CDH13: variants seen among roughly 807,000 people sequenced by gnomAD.
The protein encoded by CDH13 is cadherin 13.
In CDH13, 24 loss-of-function variants were observed where a neutral mutation model predicts 63.8. The ratio of observed to expected loss-of-function variants is 0.38; its 90% CI spans 0.27 to 0.53. The LOEUF is 0.53. Ranked by LOEUF, CDH13 falls within the 20% of genes least tolerant of loss-of-function variation. The pLI is 0.85. For synonymous variants in CDH13, 503 were observed against 355.3 expected (o/e 1.42, Z -4.67); for missense variants, 1,049 against 903.1 (o/e 1.16, Z -2.07).
At chr16:83,385,938 C>A (rs889714) in intron 6 of CDH13, among the ~76,000 whole-genome samples, 2 of 152,136 alleles carry the variant, frequency 1.3e-5, no homozygotes, top group Non-Finnish European at 2.9e-5. Context: ...TGTAGTTTAT[C>A]ATAGTGCTGT....
chr16:82,756,069 C>T (rs967297656), intron 1 of CDH13, among the ~76,000 whole-genome samples: 14 of 152,104 alleles, frequency 9.2e-5, no homozygotes, highest in African/African-American at 3.4e-4. Context: ...TTTATGCATC[C>T]ACAAGATCAG....
At chr16:83,088,698 A>AT (rs1188718297) in intron 3 of CDH13, among the ~76,000 whole-genome samples, 1 of 152,216 alleles carries the variant, frequency 6.6e-6, no homozygotes, top group Non-Finnish European at 1.5e-5. Flanking sequence ...ATGGCTCAAC[A>AT]TGTTTAAAGC....
At chr16:83,084,055 G>A (rs564698923) in intron 3 of CDH13, among the ~76,000 whole-genome samples, 2 of 152,248 alleles carry the variant, frequency 1.3e-5, no homozygotes, top group Non-Finnish European at 2.9e-5. Context: ...ACATGAACTG[G>A]CAGAAGAGGC....
intron 6 of CDH13, among the ~76,000 whole-genome samples, chr16:83,411,580 C>T (rs1354485990): frequency 6.6e-6 from 1 of 152,196 alleles, no homozygotes; most frequent in Non-Finnish European, 1.5e-5. Flanking sequence ...CACTACCATT[C>T]ATTTGGCACA....
intron 2 of CDH13, among the ~76,000 whole-genome samples, chr16:82,911,784 C>G (rs908891196): frequency 1.3e-5 from 2 of 152,106 alleles, no homozygotes; most frequent in African/African-American, 4.8e-5. Flanking sequence ...CACCTATGCC[C>G]CAGGCTCCTG....
chr16:83,277,503 T>C lies in CDH13; in HGVS notation c.636+60006T>C, dbSNP rs568844109. On this transcript the variant is annotated intron_variant, in intron 5 of 13. Coordinates refer to ENST00000567109, the MANE Select transcript of CDH13 (RefSeq NM_001257.5). The stretch of plus-strand genomic sequence containing the variant: ...TTAAAAGGGCAAAGATTTCTTAAAG[T>C]GTGATCAGTGAGAATCCCTGAGACT... Among the ~76,000 whole-genome samples the C allele has an allele frequency of 3.9e-5, 6 of 152,282 alleles. No individual in the cohort carries two copies. The East Asian group carries it at 1.2e-3, about 29-fold the overall frequency.
intron 8 of CDH13, among the ~76,000 whole-genome samples, chr16:83,605,827 A>G (rs1598359556): frequency 1.3e-5 from 2 of 152,252 alleles, no homozygotes; most frequent in Admixed American, 1.3e-4. Flanking sequence ...TTAAAGTGAC[A>G]TATGAATCTG....
chr16:83,612,125 A>C, intron 8 of CDH13, among the ~76,000 whole-genome samples: 1 of 152,230 alleles, frequency 6.6e-6, no homozygotes, highest in East Asian at 1.9e-4. Flanking sequence ...ATCTATAATT[A>C]CAGATCTATC....
intron 8 of CDH13, chr16:83,655,055 G>A (rs1407173205): frequency 6.6e-6 from 1 of 152,268 alleles, no homozygotes; most frequent in African/African-American, 2.4e-5. Context: ...AAGGACGGAG[G>A]CATACAAGGC....
intron 10 of CDH13, among the ~76,000 whole-genome samples, chr16:83,694,318 T>A (rs1905172467): frequency 6.6e-6 from 1 of 152,198 alleles, no homozygotes; most frequent in Non-Finnish European, 1.5e-5. Context: ...ATGTCCCATA[T>A]CTACTCCTGC....
intron 4 of CDH13, among the ~76,000 whole-genome samples, chr16:83,192,407 A>T (rs933740700): frequency 2.0e-5 from 3 of 152,108 alleles, no homozygotes; most frequent in Non-Finnish European, 4.4e-5. Context: ...TGGCCTTTGG[A>T]AGACTTGCTC....
chr16:83,651,923 C>G (rs989121196), intron 8 of CDH13, among the ~76,000 whole-genome samples: 1 of 152,182 alleles, frequency 6.6e-6, no homozygotes, highest in Non-Finnish European at 1.5e-5. Context: ...TGACAGAGTG[C>G]CACTGGAGTG....
chr16:83,537,550 C>A (rs759900770), intron 7 of CDH13, among the ~76,000 whole-genome samples: 12 of 152,162 alleles, frequency 7.9e-5, no homozygotes, highest in Non-Finnish European at 1.8e-4. Flanking sequence ...TTTGCTCACA[C>A]TCTGGCAGAT....
chr16:83,659,529 G>A (rs1324766331), intron 8 of CDH13, among the ~76,000 whole-genome samples: 1 of 152,250 alleles, frequency 6.6e-6, no homozygotes, highest in African/African-American at 2.4e-5. Flanking sequence ...CTCAGCCCTT[G>A]GCTGTTCATT....
intron 2 of CDH13, among the ~76,000 whole-genome samples, chr16:82,914,394 G>T (rs778334679): frequency 6.6e-6 from 1 of 152,104 alleles, no homozygotes; most frequent in African/African-American, 2.4e-5. Flanking sequence ...ATGAGCCTAC[G>T]TTCAGCAATT....
chr16:82,987,111 G>A (rs774319967), intron 2 of CDH13, among the ~76,000 whole-genome samples: 12 of 152,100 alleles, frequency 7.9e-5, no homozygotes, highest in East Asian at 1.9e-4. Flanking sequence ...AGTGAGGAGC[G>A]GCTGTAGCAC....
rs142059761 is a variant in CDH13 at position 83,682,901 on chromosome 16, C to T, written c.1538+4440C>T. Among the ~76,000 whole-genome samples, 37 of 152,312 alleles carry T rather than the reference C, an allele frequency of 2.4e-4. No individual in the cohort carries two copies. The East Asian group carries it at 7.1e-3, about 29-fold the overall frequency. ...CACCTCCTCCCTGAGGGGGCTCCTT[C>T]CATGGTCAACATGGGAAGCCTTCTC... On this transcript the variant is annotated intron_variant, in intron 10 of 13. Transcript: ENST00000567109.
At chr16:83,590,481 C>T (rs901613605) in intron 7 of CDH13, among the ~76,000 whole-genome samples, 8 of 152,056 alleles carry the variant, frequency 5.3e-5, no homozygotes, top group South Asian at 2.1e-4. Context: ...AAGATGGGTT[C>T]TGATATTGGC....
chr16:82,686,488 T>C (rs778580298), intron 1 of CDH13, among the ~76,000 whole-genome samples: 2 of 152,198 alleles, frequency 1.3e-5, no homozygotes, highest in Non-Finnish European at 2.9e-5. Flanking sequence ...AGGCTCGGCT[T>C]TTCCCAGAGG....
Sources: allele counts gnomAD v4.1 joint callset (sites outside exome capture counted in the v4.1 genomes callset), GRCh38; gene constraint gnomAD v4.1.1; transcripts MANE v1.5; gene names NCBI Gene and HGNC (gene_info 2026-07-23, HGNC 2026-07-21).